The following GNAQ variants were observed in gnomAD, a reference collection of about 807,000 sequenced individuals.
GNAQ encodes G protein subunit alpha q.
Under a neutral mutation model 43.9 loss-of-function variants are expected in GNAQ, and 8 were observed. The observed-to-expected ratio is 0.18, with a 90% CI of 0.11 to 0.33. The LOEUF is 0.33. Among genes scored for constraint, GNAQ ranks in the 10% least tolerant of loss-of-function variants. The pLI is 1.00. For missense variants in GNAQ, 158 were observed against 450.8 expected (o/e 0.35, Z 5.88); for synonymous variants, 155 against 170.7 (o/e 0.91, Z 0.71).
At chr9:77,837,058 A>G (rs1403223997) in intron 2 of GNAQ, among the ~76,000 whole-genome samples, 11 of 152,196 alleles carry the variant, frequency 7.2e-5, no homozygotes, top group Non-Finnish European at 5.9e-5. Flanking sequence ...GAATAAATGG[A>G]CATATGAAAT....
intron 2 of GNAQ, among the ~76,000 whole-genome samples, chr9:77,860,227 T>G (rs913385388): frequency 1.3e-5 from 2 of 152,166 alleles, no homozygotes; most frequent in African/African-American, 4.8e-5. Context: ...ATGGCTGGGT[T>G]AGAGAGTGAA....
chr9:77,792,129 G>A (rs1040804431), intron 5 of GNAQ, among the ~76,000 whole-genome samples: 2 of 152,112 alleles, frequency 1.3e-5, no homozygotes, highest in African/African-American at 2.4e-5. Flanking sequence ...TATGGATGAA[G>A]GAATTAATGA....
chr9:77,783,874 G>A (rs916318207), intron 5 of GNAQ, among the ~76,000 whole-genome samples: 3 of 152,072 alleles, frequency 2.0e-5, no homozygotes, highest in Non-Finnish European at 2.9e-5. Context: ...TAAGGACAAT[G>A]TGGGCAACAT....
chr9:78,024,964 A>G (rs754658073), intron 1 of GNAQ, among the ~76,000 whole-genome samples: 16 of 152,236 alleles, frequency 1.1e-4, no homozygotes, highest in Non-Finnish European at 2.1e-4. Flanking sequence ...AATTAACCAT[A>G]AAGGCTTTTA....
intron 2 of GNAQ, among the ~76,000 whole-genome samples, chr9:77,820,430 G>A (rs919278685): frequency 1.3e-5 from 2 of 152,158 alleles, no homozygotes; most frequent in African/African-American, 2.4e-5. Flanking sequence ...CTGCATAAAT[G>A]ACAAAGAACA....
chr9:77,719,498 T>C lies in GNAQ; in HGVS notation c.*1825A>G, dbSNP rs780230628. 8 of 232,682 alleles carry C rather than the reference T, an allele frequency of 3.4e-5. No homozygotes were observed. Among genetic ancestry groups the C allele is most frequent in the Non-Finnish European group, 6.8e-5 (8 of 117,744 alleles). 14.4% of individuals were successfully genotyped at this position (232,682 alleles called of 1,614,324 possible). On this transcript the variant is annotated 3_prime_UTR_variant, in exon 7 of 7. Transcript: ENST00000286548. ...ATCAAGGATGAGAACATCTCATTAC[T>C]GTTGGGCGGCTTTGGTACTCATTTA...
At chr9:78,008,067 AT>A (rs901419964) in intron 1 of GNAQ, among the ~76,000 whole-genome samples, 25 of 152,342 alleles carry the variant, frequency 1.6e-4, no homozygotes, top group African/African-American at 5.3e-4. Flanking sequence ...AAATTACCAA[AT>A]TAAAGAAGAA....
At chr9:77,830,759 G>A (rs903613539) in intron 2 of GNAQ, among the ~76,000 whole-genome samples, 15 of 152,144 alleles carry the variant, frequency 9.9e-5, no homozygotes, top group African/African-American at 3.6e-4. Context: ...TGCAAAAAAA[G>A]CATTTTGAAA....
intron 2 of GNAQ, among the ~76,000 whole-genome samples, chr9:77,838,866 TA>T (rs1446377377): frequency 6.6e-6 from 1 of 152,146 alleles, no homozygotes; most frequent in Non-Finnish European, 1.5e-5. Context: ...CTGAGATTTT[TA>T]GTGGCAATTC....
chr9:77,762,503 G>A (rs1185737296), intron 5 of GNAQ, among the ~76,000 whole-genome samples: 2 of 147,974 alleles, frequency 1.4e-5, no homozygotes, highest in African/African-American at 2.5e-5. Flanking sequence ...CTGGCCAGCC[G>A]CCCCACCTGG....
intron 5 of GNAQ, among the ~76,000 whole-genome samples, chr9:77,762,982 G>A (rs868632448): frequency 1.3e-5 from 2 of 151,886 alleles, no homozygotes; most frequent in African/African-American, 2.4e-5. Flanking sequence ...AGGGTCCTCT[G>A]CCTAGGAAAA....
chr9:77,782,451 C>T (rs1451021693), intron 5 of GNAQ, among the ~76,000 whole-genome samples: 1 of 152,150 alleles, frequency 6.6e-6, no homozygotes, highest in African/African-American at 2.4e-5. Context: ...TGAAGTACTA[C>T]TACACACCTA....
intron 5 of GNAQ, among the ~76,000 whole-genome samples, chr9:77,755,361 A>C (rs1346578046): frequency 2.0e-5 from 3 of 152,222 alleles, no homozygotes; most frequent in East Asian, 3.8e-4. Context: ...AAGATAACTA[A>C]AGGTATAATT....
At chr9:77,903,224 C>G (rs1231302168) in intron 2 of GNAQ, among the ~76,000 whole-genome samples, 2 of 152,096 alleles carry the variant, frequency 1.3e-5, no homozygotes, top group Non-Finnish European at 2.9e-5. Context: ...AGATCCCACT[C>G]CATAAGTGGA....
At chr9:77,955,018 C>A (rs1472784921) in intron 1 of GNAQ, among the ~76,000 whole-genome samples, 1 of 152,182 alleles carries the variant, frequency 6.6e-6, no homozygotes, top group African/African-American at 2.4e-5. Context: ...TAGTAACTGG[C>A]CAGATCATAA....
intron 1 of GNAQ, among the ~76,000 whole-genome samples, chr9:78,003,585 C>T (rs1823669191): frequency 1.3e-5 from 2 of 152,018 alleles, no homozygotes; most frequent in African/African-American, 2.4e-5. Context: ...GAGGCCGAGG[C>T]GGGCAGATCA....
chr9:77,875,047 A>C (rs1219485897), intron 2 of GNAQ, among the ~76,000 whole-genome samples: 1 of 152,114 alleles, frequency 6.6e-6, no homozygotes, highest in East Asian at 1.9e-4. Context: ...AATTTATTTG[A>C]CCCACTGAGA....
At chr9:77,729,737 A>G (rs920522894) in intron 5 of GNAQ, among the ~76,000 whole-genome samples, 6 of 152,084 alleles carry the variant, frequency 3.9e-5, no homozygotes, top group African/African-American at 1.4e-4. Context: ...CCATGTTATG[A>G]CTGGGTTTGT....
intron 1 of GNAQ, among the ~76,000 whole-genome samples, chr9:78,014,019 C>CGT (rs2118588180): frequency 6.6e-6 from 1 of 152,200 alleles, no homozygotes; most frequent in East Asian, 1.9e-4. Flanking sequence ...AGATGATAAA[C>CGT]TGAGAAACAT....
Sources: allele counts gnomAD v4.1 joint callset (sites outside exome capture counted in the v4.1 genomes callset), GRCh38; gene constraint gnomAD v4.1.1; transcripts MANE v1.5; gene names NCBI Gene and HGNC (gene_info 2026-07-23, HGNC 2026-07-21).